The following CSMD1 variants were observed in gnomAD, a reference collection of about 807,000 sequenced individuals.
CSMD1 encodes CUB and sushi domain-containing protein 1.
CSMD1 carries 213 observed loss-of-function variants against 417.5 expected under a neutral mutation model. The ratio of observed to expected loss-of-function variants is 0.51; its 90% CI spans 0.46 to 0.57. The LOEUF (loss-of-function observed/expected upper bound fraction) is 0.57, where lower values mean the gene tolerates loss of function less well. CSMD1 is among the 20% of genes least tolerant of loss of function. CSMD1 has a pLI of 0.00. For synonymous variants in CSMD1, 2,862 were observed against 1,736.8 expected (o/e 1.65, Z -16.11); for missense variants, 6,923 against 4,529.7 (o/e 1.53, Z -15.17).
chr8:4,121,143 C>G (rs1403974734), intron 3 of CSMD1, among the ~76,000 whole-genome samples: 1 of 151,896 alleles, frequency 6.6e-6, no homozygotes, highest in Admixed American at 6.6e-5. Flanking sequence ...TGGGCAGAGT[C>G]TCACTCTGTT....
intron 10 of CSMD1, among the ~76,000 whole-genome samples, chr8:3,515,952 G>A (rs1294459719): frequency 1.3e-5 from 2 of 152,144 alleles, no homozygotes; most frequent in Admixed American, 6.5e-5. Context: ...TTTGAGTGAC[G>A]TACCAAACTG....
intron 26 of CSMD1, among the ~76,000 whole-genome samples, chr8:3,241,633 G>C (rs1563176731): frequency 2.0e-5 from 3 of 152,156 alleles, no homozygotes; most frequent in African/African-American, 7.2e-5. Context: ...AGGAATCCTG[G>C]GCTGCAGGCA....
At chr8:4,696,108 G>A (rs901691854) in intron 1 of CSMD1, among the ~76,000 whole-genome samples, 1 of 152,108 alleles carries the variant, frequency 6.6e-6, no homozygotes, top group African/African-American at 2.4e-5. Context: ...CCTTCAACAA[G>A]GATAATGCCT....
intron 3 of CSMD1, among the ~76,000 whole-genome samples, chr8:4,138,833 TATAGAGA>T (rs1423027619): frequency 1.3e-5 from 2 of 152,208 alleles, no homozygotes; most frequent in Admixed American, 6.5e-5. Flanking sequence ...AGGCAAATTC[TATAGAGA>T]ATAAAGTTAA....
chr8:4,954,551 T>C (rs902226542), intron 1 of CSMD1, among the ~76,000 whole-genome samples: 4 of 152,210 alleles, frequency 2.6e-5, no homozygotes, highest in Non-Finnish European at 5.9e-5. Context: ...TTAAAAAATA[T>C]GTTTAAATGA....
intron 7 of CSMD1, 86 bp from the exon 8 acceptor site, chr8:3,616,883 T>C: frequency 1.2e-6 from 1 of 852,422 alleles, no homozygotes; most frequent in Non-Finnish European, 1.8e-6. Flanking sequence ...CATTTTCAGT[T>C]CTTTAATGAT....
intron 7 of CSMD1, among the ~76,000 whole-genome samples, chr8:3,668,806 A>T (rs960547002): frequency 6.6e-6 from 1 of 152,144 alleles, no homozygotes; most frequent in Non-Finnish European, 1.5e-5. Context: ...GTTGCCTTAG[A>T]CAATTTGCTG....
chr8:4,063,503 G>A (rs2554701), intron 3 of CSMD1, among the ~76,000 whole-genome samples: 124,664 of 152,176 alleles, frequency 0.82, 51,228 homozygotes, highest in Admixed American at 0.87. Context: ...AAACAAAACA[G>A]AACTATTCTG....
intron 3 of CSMD1, among the ~76,000 whole-genome samples, chr8:4,094,307 C>T (rs1021331198): frequency 6.6e-6 from 1 of 152,058 alleles, no homozygotes; most frequent in African/African-American, 2.4e-5. Flanking sequence ...GAAGAATCAG[C>T]AGGCGACTGT....
chr8:3,243,288 G>C (rs1171435630), intron 26 of CSMD1, among the ~76,000 whole-genome samples: 1 of 152,108 alleles, frequency 6.6e-6, no homozygotes, highest in Non-Finnish European at 1.5e-5. Context: ...TCTCCCAAGG[G>C]AGGTCCCCCG....
chr8:4,325,761 C>G (rs968711638), intron 3 of CSMD1, among the ~76,000 whole-genome samples: 8 of 152,072 alleles, frequency 5.3e-5, no homozygotes, highest in African/African-American at 1.7e-4. Context: ...TCCTGTTGCA[C>G]CCCTCTCCAC....
chr8:3,894,557 A>C (rs1468663987), intron 5 of CSMD1, among the ~76,000 whole-genome samples: 1 of 152,208 alleles, frequency 6.6e-6, no homozygotes, highest in African/African-American at 2.4e-5. Context: ...AGTGTACCTA[A>C]AATAGATTTC....
intron 3 of CSMD1, among the ~76,000 whole-genome samples, chr8:4,336,840 G>T (rs965205718): frequency 3.9e-5 from 6 of 151,990 alleles, no homozygotes; most frequent in Non-Finnish European, 8.8e-5. Context: ...ATGAAGATGG[G>T]GTTGAGATTT....
intron 2 of CSMD1, among the ~76,000 whole-genome samples, chr8:4,545,777 G>A (rs979680783): frequency 1.3e-5 from 2 of 152,180 alleles, no homozygotes; most frequent in Non-Finnish European, 2.9e-5. Context: ...CTGGAATCAT[G>A]CACCATGTTA....
At chr8:3,898,974 C>T (rs182856088) in intron 5 of CSMD1, among the ~76,000 whole-genome samples, 2 of 152,046 alleles carry the variant, frequency 1.3e-5, no homozygotes, top group Admixed American at 1.3e-4. Flanking sequence ...CAAATGGGAC[C>T]ATACAGTACA....
chr8:3,390,114 G>A (rs924037715), intron 17 of CSMD1, among the ~76,000 whole-genome samples: 1 of 152,026 alleles, frequency 6.6e-6, no homozygotes, highest in East Asian at 1.9e-4. Context: ...CAGCACTTTG[G>A]GAGGCCGAGG....
intron 25 of CSMD1, 97 bp downstream of exon 25, chr8:3,307,598 C>T: frequency 4.4e-6 from 6 of 1,358,952 alleles, no homozygotes; most frequent in African/African-American, 1.5e-5. Context: ...AGTTCAGAAA[C>T]TTTAACCATG....
chr8:3,503,516 T>A (rs1019228192), intron 10 of CSMD1, among the ~76,000 whole-genome samples: 4 of 152,248 alleles, frequency 2.6e-5, no homozygotes, highest in African/African-American at 9.6e-5. Flanking sequence ...ACTTGGTATT[T>A]CATGCTAAAA....
At chr8:4,055,394 T>A (rs1458687654) in intron 3 of CSMD1, among the ~76,000 whole-genome samples, 1 of 152,040 alleles carries the variant, frequency 6.6e-6, no homozygotes, top group African/African-American at 2.4e-5. Flanking sequence ...AAGTGATTAA[T>A]CCAATACATA....
Sources: allele counts gnomAD v4.1 joint callset (sites outside exome capture counted in the v4.1 genomes callset), GRCh38; gene constraint gnomAD v4.1.1; transcripts MANE v1.5; gene names NCBI Gene and HGNC (gene_info 2026-07-23, HGNC 2026-07-21).